TTI2: variants seen among roughly 807,000 people sequenced by gnomAD.
The protein encoded by TTI2 is TELO2-interacting protein 2.
TTI2 carries 26 observed loss-of-function variants against 44.9 expected under a neutral mutation model. The ratio of observed to expected loss-of-function variants is 0.58; its 90% CI spans 0.42 to 0.80. The LOEUF is 0.80. TTI2 is among the 30% of genes least tolerant of loss of function. The probability of loss-of-function intolerance (pLI) is 0.00; values close to 1 mark genes in which losing one functional copy is unlikely to be tolerated. For synonymous variants in TTI2, 254 were observed against 250.9 expected (o/e 1.01, Z -0.12); for missense variants, 582 against 611.6 (o/e 0.95, Z 0.51).
intron 3 of TTI2, among the ~76,000 whole-genome samples, chr8:33,509,327 C>T (rs979773813): frequency 2.7e-5 from 4 of 150,688 alleles, no homozygotes; most frequent in Non-Finnish European, 5.9e-5. Context: ...CATGGTGGCA[C>T]GCACCTGTAA....
chr8:33,503,140 A>AAAC (rs1563351568), intron 6 of TTI2, among the ~76,000 whole-genome samples: 7 of 145,632 alleles, frequency 4.8e-5, no homozygotes, highest in Admixed American at 1.4e-4. Context: ...AAAAAAAAAA[A>AAAC]AAAAAAAACA....
At position 33,503,832 on chromosome 8, in the gene TTI2, C is replaced by T. The variant is rs116342278; in HGVS notation, c.1031G>A (p.Arg344Gln). 2.8e-3 allele frequency: 4,470 copies of T among 1,614,086 alleles called. 127 individuals are homozygous for T. In the African/African-American group the frequency reaches 0.052, roughly 19 times the overall value. Residue 344 changes from arginine to glutamine, a missense_variant, in exon 5 of 8, where the codon CGG (arginine) becomes CAG (glutamine). Physicochemically the swap from Arg to Gln is conservative, Grantham distance 43. Transcript: ENST00000431156. The stretch of plus-strand genomic sequence containing the variant: ...TGGCTCCATGTGGGTCAGGATCAGC[C>T]GCAGGACCTCATCACAATGGGTGGT... ...RPTTHCDEVLRLILTHMEPEH... is the reference protein window; with the variant it reads ...RPTTHCDEVLQLILTHMEPEH...
At chr8:33,499,369 AAGG>A (rs1296514607) in intron 7 of TTI2, 92 bp from the exon 8 acceptor site, 16 of 929,100 alleles carry the variant, frequency 1.7e-5, no homozygotes, top group Non-Finnish European at 2.8e-5. Flanking sequence ...ATCATATTCA[AAGG>A]AGGAAAGAAT....
At chr8:33,507,992 A>T in intron 3 of TTI2, among the ~76,000 whole-genome samples, 1 of 147,220 alleles carries the variant, frequency 6.8e-6, no homozygotes, top group Non-Finnish European at 1.5e-5. Flanking sequence ...CTGTCTCAAA[A>T]AAAAAAAAAA....
chr8:33,501,429 C>T (rs1437092379), intron 6 of TTI2, among the ~76,000 whole-genome samples: 1 of 152,176 alleles, frequency 6.6e-6, no homozygotes, highest in African/African-American at 2.4e-5. Context: ...TTCTACCTCC[C>T]TACATTTATT....
chr8:33,512,666 C>T lies in TTI2; in HGVS notation c.-53G>A. 1.9e-6 allele frequency: 3 copies of T among 1,595,196 alleles called. No individual in the cohort carries two copies. Among genetic ancestry groups the T allele is most frequent in the Non-Finnish European group, 8.5e-7 (1 of 1,172,716 alleles). On this transcript the variant is annotated 5_prime_UTR_variant, in exon 2 of 8. Coordinates refer to ENST00000431156, the MANE Select transcript of TTI2 (RefSeq NM_001102401.4). The stretch of plus-strand genomic sequence containing the variant: ...CTCTCCCACAGAACGAGGATGGAGG[C>T]GGGGAGGGATCCGTTGAAGAGGGAA...
chr8:33,500,183 G>A (rs921205826), intron 7 of TTI2, 145 bp downstream of exon 7: 2 of 825,852 alleles, frequency 2.4e-6, no homozygotes, highest in Non-Finnish European at 3.8e-6. Context: ...GCTCTTTTGA[G>A]GCTAGAGGGC....
Position 33,512,341 on chromosome 8 carries a change from C to T in TTI2, c.273G>A (p.Lys91=), listed in dbSNP as rs1027158742. 9.3e-6 allele frequency: 15 copies of T among 1,614,104 alleles called. No homozygotes were observed. Among genetic ancestry groups the T allele is most frequent in the Non-Finnish European group, 1.2e-5 (14 of 1,180,044 alleles). The stretch of plus-strand genomic sequence containing the variant: ...CCTCCTCCTTGGAGGGGGCTGCATA[C>T]TTCTCCAGGGCTTTTGCTACCTGCC... ...TLGQVAKALE[K]YAAPSKEEEG... is the part of the protein sequence containing the mutation. The change falls in exon 2 of 8, where the codon AAG becomes AAA. Residue 91 remains lysine (K), a synonymous_variant. Coordinates refer to ENST00000431156, the MANE Select transcript of TTI2 (RefSeq NM_001102401.4).
rs192163970 is a variant in TTI2, at chr8:33,501,870, C to T, written c.1260-1380G>A. On this transcript the variant is annotated intron_variant, in intron 6 of 7. Coordinates refer to ENST00000431156, the MANE Select transcript of TTI2 (RefSeq NM_001102401.4). ...CAGTTTGGGTTCCAGTTCCTGACAC[C>T]TACCTCAAGCCAGAGTTGGAATGAT... Among the ~76,000 whole-genome samples, 161 of 152,272 alleles carry T rather than the reference C, an allele frequency of 1.1e-3. 1 individual carries two copies. Among genetic ancestry groups the T allele is most frequent in the African/African-American group, 3.7e-3 (154 of 41,560 alleles).
chr8:33,509,627 T>C (rs1396522141), intron 3 of TTI2, 119 bp downstream of exon 3: 3 of 1,004,000 alleles, frequency 3.0e-6, no homozygotes, highest in East Asian at 2.5e-5. Context: ...AGAGGAAAAA[T>C]ATAAGGAGAA....
Position 33,499,269 on chromosome 8 carries a change from C to T in TTI2, c.1431G>A (p.Leu477=). The T allele has an allele frequency of 6.2e-7, 1 of 1,613,440 alleles. No individual in the cohort carries two copies. Among genetic ancestry groups the T allele is most frequent in the Non-Finnish European group, 8.5e-7 (1 of 1,179,628 alleles). Residue 477 remains leucine (L), a synonymous_variant, in exon 8 of 8, where the codon CTG becomes CTA. Transcript: ENST00000431156. ...RCSQGRVKGL[L]AKIPQSCEDR... ...CTTCACAGCTTTGGGGAATTTTGGC[C>T]AGGAGACCCTGAAACATGAAACCAA...
chr8:33,511,870 CAA>C, intron 2 of TTI2, 95 bp downstream of exon 2: 1 of 1,400,794 alleles, frequency 7.1e-7, no homozygotes, highest in African/African-American at 1.5e-5. Context: ...CCCTGGGCAA[CAA>C]GAGTGAAACT....
At chr8:33,503,676 G>T in intron 5 of TTI2, 72 bp downstream of exon 5, 1 of 1,607,610 alleles carries the variant, frequency 6.2e-7, no homozygotes, top group South Asian at 1.1e-5. Flanking sequence ...CCAGGAGCTC[G>T]AGAGCAGCTC....
At position 33,512,498 on chromosome 8, in the gene TTI2, C is replaced by A. The variant is rs755141113; in HGVS notation, c.116G>T (p.Arg39Leu). The change falls in exon 2 of 8, where the codon CGC becomes CTC. Residue 39 changes from arginine (R) to leucine (L), a missense_variant. Transcript: ENST00000431156. ...AFSKILHCLA[R>L]PEARRGNVKD... ...TACATTGCCTCGTCGTGCCTCCGGG[C>A]GGGCAAGACAGTGTAAAATCTTGGA... 7 of 1,614,084 alleles carry A rather than the reference C, an allele frequency of 4.3e-6. No homozygotes were observed. Among genetic ancestry groups the A allele is most frequent in the South Asian group, 1.1e-5 (1 of 91,076 alleles).
rs58891946 is a variant in TTI2 at position 33,508,087 on chromosome 8, T to TAAAAAAAAAA, written c.835-776_835-767dup. Among the ~76,000 whole-genome samples the TAAAAAAAAAA allele has an allele frequency of 1.3e-3, 26 of 19,510 alleles. 2 individuals are homozygous for TAAAAAAAAAA. Among genetic ancestry groups the TAAAAAAAAAA allele is most frequent in the Admixed American group, 2.0e-3 (2 of 996 alleles). 12.8% of individuals were successfully genotyped at this position (19,510 alleles called of 152,430 possible). A position where few individuals can be genotyped will look rare whatever the true frequency, so the allele number is the denominator to read the frequency against. ...ACAAAGAAAATGTGGCTAGCGGTAGTAAAAAAAAAAAAAAAAAAAAAAAAA... is the reference window on the plus strand; with the variant it reads ...ACAAAGAAAATGTGGCTAGCGGTAGTAAAAAAAAAAAAAAAAAAAAAAAAAAAAAAAAAAA... On this transcript the variant is annotated intron_variant, in intron 3 of 7. Coordinates refer to ENST00000431156, the MANE Select transcript of TTI2 (RefSeq NM_001102401.4).
At chr8:33,506,590 A>G (rs1206156861) in intron 4 of TTI2, among the ~76,000 whole-genome samples, 2 of 150,918 alleles carry the variant, frequency 1.3e-5, no homozygotes, top group Non-Finnish European at 3.0e-5. Context: ...GCGGGGTTTC[A>G]CCATATTAGC....
At chr8:33,504,542 T>TAA (rs2128828460) in intron 4 of TTI2, among the ~76,000 whole-genome samples, 1 of 152,104 alleles carries the variant, frequency 6.6e-6, no homozygotes, top group South Asian at 2.1e-4. Context: ...CCTAAAGTGC[T>TAA]AGGATTTATC....
Position 33,509,750 on chromosome 8 carries a change from T to G in TTI2, c.830A>C (p.Asn277Thr). Reference sequence around the variant, plus strand: ...GACAAGCCAGAGGTTGCTTACCACATTAAGCACAATGTGATGGAGACAGTG... The same window carrying G: ...GACAAGCCAGAGGTTGCTTACCACAGTAAGCACAATGTGATGGAGACAGTG... ...GVHCLHHIVL[N>T]VPAADLLQYN... The change falls in exon 3 of 8, where the codon AAT becomes ACT. Residue 277 changes from asparagine (N) to threonine (T), a missense_variant. Asn to Thr is a moderately conservative substitution (Grantham distance 65). Coordinates refer to ENST00000431156, the MANE Select transcript of TTI2 (RefSeq NM_001102401.4). 1 of 1,614,054 alleles carries G rather than the reference T, an allele frequency of 6.2e-7. No individual in the cohort carries two copies. The highest frequency in any genetic ancestry group is 8.5e-7 in the Non-Finnish European group (1 of 1,179,958).
chr8:33,505,884 A>G (rs1219705208), intron 4 of TTI2, among the ~76,000 whole-genome samples: 1 of 152,018 alleles, frequency 6.6e-6, no homozygotes, highest in African/African-American at 2.4e-5. Flanking sequence ...CGATCTCCCG[A>G]CCTCGTGATC....
Sources: allele counts gnomAD v4.1 joint callset (sites outside exome capture counted in the v4.1 genomes callset), GRCh38; gene constraint gnomAD v4.1.1; transcripts MANE v1.5; gene names NCBI Gene and HGNC (gene_info 2026-07-23, HGNC 2026-07-21).